RNF152: variants seen among roughly 807,000 people sequenced by gnomAD.
The protein encoded by RNF152 is E3 ubiquitin-protein ligase RNF152.
RNF152 carries 11 observed loss-of-function variants against 12.7 expected under a neutral mutation model. The ratio of observed to expected loss-of-function variants is 0.86; its 90% CI spans 0.54 to 1.43. The LOEUF (loss-of-function observed/expected upper bound fraction) is 1.43, where lower values mean the gene tolerates loss of function less well. RNF152 is among the 40% of genes most tolerant of loss of function. The pLI is 0.00. For synonymous variants in RNF152, 113 were observed against 120.3 expected (o/e 0.94, Z 0.40); for missense variants, 255 against 274.8 (o/e 0.93, Z 0.51).
At chr18:61,854,175 T>C (rs914931821) in intron 1 of RNF152, among the ~76,000 whole-genome samples, 2 of 152,222 alleles carry the variant, frequency 1.3e-5, no homozygotes, top group African/African-American at 4.8e-5. Context: ...AAGAAGTGTT[T>C]TTCCTTTCAC....
At chr18:61,827,696 T>C (rs186648429) in intron 1 of RNF152, among the ~76,000 whole-genome samples, 62 of 152,200 alleles carry the variant, frequency 4.1e-4, no homozygotes, top group Non-Finnish European at 7.8e-4. Flanking sequence ...ACCCTCAATA[T>C]TGATGATTCA....
chr18:61,838,510 G>T (rs535193393), intron 1 of RNF152, among the ~76,000 whole-genome samples: 1 of 152,296 alleles, frequency 6.6e-6, no homozygotes, highest in African/African-American at 2.4e-5. Context: ...AAGATTCAAT[G>T]AAATGGACCT....
intron 1 of RNF152, among the ~76,000 whole-genome samples, chr18:61,835,208 C>T (rs115202821): frequency 0.033 from 5,068 of 152,208 alleles, 274 homozygotes; most frequent in African/African-American, 0.11. Flanking sequence ...TACAAAATAG[C>T]ATATTTACAA....
intron 1 of RNF152, among the ~76,000 whole-genome samples, chr18:61,880,913 C>CTTTTTTTT: frequency 7.6e-6 from 1 of 131,802 alleles, no homozygotes; most frequent in Non-Finnish European, 1.6e-5. Flanking sequence ...CTCTAGTTTT[C>CTTTTTTTT]TTTTTTTTTT....
chr18:61,874,843 G>C (rs1912145678), intron 1 of RNF152, among the ~76,000 whole-genome samples: 1 of 152,138 alleles, frequency 6.6e-6, no homozygotes, highest in Non-Finnish European at 1.5e-5. Context: ...TTTTATTTCA[G>C]CTGGGGTTTT....
chr18:61,874,406 C>T (rs1005307301), intron 1 of RNF152, among the ~76,000 whole-genome samples: 11 of 152,310 alleles, frequency 7.2e-5, no homozygotes, highest in African/African-American at 1.9e-4. Context: ...GTGGAAAGAA[C>T]GTTTCTTGAT....
chr18:61,883,248 G>C (rs1413646359), intron 1 of RNF152, among the ~76,000 whole-genome samples: 2 of 152,190 alleles, frequency 1.3e-5, no homozygotes, highest in East Asian at 3.8e-4. Flanking sequence ...ATTTCAATAA[G>C]TCTTTACTGA....
At chr18:61,830,608 T>C (rs1909894649) in intron 1 of RNF152, among the ~76,000 whole-genome samples, 1 of 152,198 alleles carries the variant, frequency 6.6e-6, no homozygotes, top group Admixed American at 6.5e-5. Context: ...AATTGTGTAT[T>C]ATTTTTTCTT....
chr18:61,844,094 GAA>G (rs1568275238), intron 1 of RNF152, among the ~76,000 whole-genome samples: 2 of 110,256 alleles, frequency 1.8e-5, no homozygotes, highest in South Asian at 6.5e-4. Context: ...AAGAAAGAAA[GAA>G]AGAAAGAAAG....
intron 1 of RNF152, among the ~76,000 whole-genome samples, chr18:61,822,629 G>C (rs1909473823): frequency 6.6e-6 from 1 of 152,154 alleles, no homozygotes; most frequent in African/African-American, 2.4e-5. Context: ...AATCCAGATA[G>C]TTTTACTCTG....
chr18:61,879,860 G>A (rs912783916), intron 1 of RNF152, among the ~76,000 whole-genome samples: 2 of 151,906 alleles, frequency 1.3e-5, no homozygotes, highest in South Asian at 4.1e-4. Flanking sequence ...AGCTACTCAG[G>A]AGGCTGAGGC....
At chr18:61,864,975 G>A (rs757364051) in intron 1 of RNF152, among the ~76,000 whole-genome samples, 7 of 152,064 alleles carry the variant, frequency 4.6e-5, no homozygotes, top group Admixed American at 2.6e-4. Flanking sequence ...AGCTGAGCTC[G>A]TGCCATTGCA....
chr18:61,849,291 T>C (rs547883526), intron 1 of RNF152, among the ~76,000 whole-genome samples: 1 of 152,218 alleles, frequency 6.6e-6, no homozygotes, highest in East Asian at 1.9e-4. Context: ...TGGCCAGAAA[T>C]TTTCCTTTTT....
rs1599281367 is a variant in RNF152 at position 61,838,019 on chromosome 18, C to G, written c.-135-21421G>C. 3.6e-5 allele frequency among the ~76,000 whole-genome samples: 3 copies of G among 83,428 alleles called. No homozygotes were observed. In the Admixed American group the frequency reaches 3.6e-4, roughly 10 times the overall value. 54.7% of individuals were successfully genotyped at this position (83,428 alleles called of 152,430 possible). A position where few individuals can be genotyped will look rare whatever the true frequency, so the allele number is the denominator to read the frequency against. On this transcript the variant is annotated intron_variant, in intron 1 of 1. Coordinates refer to ENST00000312828, the MANE Select transcript of RNF152 (RefSeq NM_173557.3). ...CCTCTGTGCCAGTCTTTTGAAGAAA[C>G]ACACACATGGTTCCTCTGACTTAAA...
Position 61,811,315 on chromosome 18 carries a change from AATAT to A in RNF152, c.*4533_*4536del, listed in dbSNP as rs1329809276. Reference sequence around the variant, plus strand: ...CAGTAAGAATCTGGTCTTTATAGGAAATATATCTCAAACTGAATTTTCTGCTTCC... The same window carrying A: ...CAGTAAGAATCTGGTCTTTATAGGAAATCTCAAACTGAATTTTCTGCTTCC... On this transcript the variant is annotated 3_prime_UTR_variant, in exon 2 of 2. Transcript: ENST00000312828. 6.6e-6 allele frequency: 1 copy of A among 152,194 alleles called. No homozygotes were observed. Among genetic ancestry groups the A allele is most frequent in the Non-Finnish European group, 1.5e-5 (1 of 68,022 alleles). The allele number at this position is 152,194 out of a possible 1,614,324, so 9.4% of individuals were successfully genotyped here. A position where few individuals can be genotyped will look rare whatever the true frequency, so the allele number is the denominator to read the frequency against.
Position 61,816,132 on chromosome 18 carries a change from G to T in RNF152, c.332C>A (p.Ala111Glu). ...GCAGCCCATGTCTCCGGGCAGCAGC[G>T]CACGCTCCTTGGAGATGGGCAGGGG... ...MLPLPISKER[A>E]LLPGDMGCRL... The change falls in exon 2 of 2, where the codon GCG (alanine) becomes GAG (glutamate). Residue 111 changes from alanine to glutamate, a missense_variant. Transcript: ENST00000312828. 6.2e-7 allele frequency: 1 copy of T among 1,614,204 alleles called. No homozygotes were observed. The highest frequency in any genetic ancestry group is 1.1e-5 in the South Asian group (1 of 91,072).
At chr18:61,885,836 G>A (rs908771695) in intron 1 of RNF152, among the ~76,000 whole-genome samples, 2 of 152,068 alleles carry the variant, frequency 1.3e-5, no homozygotes, top group Non-Finnish European at 2.9e-5. Context: ...GGCAGTCAGC[G>A]GTGGGCAACT....
At chr18:61,826,101 G>T (rs4319862) in intron 1 of RNF152, among the ~76,000 whole-genome samples, 40,795 of 151,988 alleles carry the variant, frequency 0.27, 6,222 homozygotes, top group Non-Finnish European at 0.35. Context: ...AATGAGCAAG[G>T]CTATGTTCTG....
intron 1 of RNF152, among the ~76,000 whole-genome samples, chr18:61,845,935 AT>A (rs1293137458): frequency 3.3e-5 from 5 of 151,804 alleles, no homozygotes; most frequent in Non-Finnish European, 7.4e-5. Context: ...GGGCGTGGTG[AT>A]GAGGACTCAG....
Sources: allele counts gnomAD v4.1 joint callset (sites outside exome capture counted in the v4.1 genomes callset), GRCh38; gene constraint gnomAD v4.1.1; transcripts MANE v1.5; gene names NCBI Gene and HGNC (gene_info 2026-07-23, HGNC 2026-07-21).